Variants in LRRIQ1 observed in about 807,000 individuals in gnomAD.
The protein encoded by LRRIQ1 is leucine rich repeats and IQ motif containing 1.
In LRRIQ1, 210 loss-of-function variants were observed where a neutral mutation model predicts 211.9. The observed-to-expected ratio is 0.99, with a 90% confidence interval of 0.89 to 1.11. The LOEUF is 1.11. Among genes scored for constraint, LRRIQ1 ranks in the 50% most tolerant of loss-of-function variants. The probability of loss-of-function intolerance (pLI) is 0.00; values close to 1 mark genes in which losing one functional copy is unlikely to be tolerated. For synonymous variants in LRRIQ1, 699 were observed against 650.1 expected, an observed-to-expected ratio of 1.08 and a Z score of -1.14; for missense variants, 2,136 against 1,939.5, an observed-to-expected ratio of 1.10 and a Z score of -1.90.
At chr12:85,138,152 GT>G in intron 19 of LRRIQ1, among the ~76,000 whole-genome samples, 183 bp downstream of exon 19, 1 of 151,482 alleles carries the variant, frequency 6.6e-6, no homozygotes, top group Non-Finnish European at 1.5e-5. Flanking sequence ...GTGTGCAAAG[GT>G]GGCAGCAAAA....
chr12:85,156,929 A>G (rs1165343497), intron 23 of LRRIQ1, among the ~76,000 whole-genome samples: 1 of 151,880 alleles, frequency 6.6e-6, no homozygotes, highest in Non-Finnish European at 1.5e-5. Context: ...CAATTGCAAG[A>G]AGTATGGTAG....
chr12:85,129,290 A>AT (rs1327869778), intron 18 of LRRIQ1, among the ~76,000 whole-genome samples: 1 of 152,168 alleles, frequency 6.6e-6, no homozygotes, highest in Non-Finnish European at 1.5e-5. Context: ...CCTTCATGGA[A>AT]TTTATATCCT....
At chr12:85,117,093 C>T (rs551361627) in intron 15 of LRRIQ1, among the ~76,000 whole-genome samples, 2 of 152,246 alleles carry the variant, frequency 1.3e-5, no homozygotes, top group African/African-American at 2.4e-5. Context: ...ACAGTCATTT[C>T]GGAAACACTG....
At chr12:85,135,786 A>G (rs1411150689) in intron 18 of LRRIQ1, among the ~76,000 whole-genome samples, 1 of 92,760 alleles carries the variant, frequency 1.1e-5, no homozygotes, top group East Asian at 2.9e-4. Flanking sequence ...TTCTAATGTG[A>G]CACAATGTTC....
At chr12:85,058,013 A>G (rs1565795370) in intron 8 of LRRIQ1, among the ~76,000 whole-genome samples, 1 of 151,980 alleles carries the variant, frequency 6.6e-6, no homozygotes. Context: ...CACTCAGCAA[A>G]TATTCATCTA....
At chr12:85,210,234 T>C (rs1893773303) in intron 24 of LRRIQ1, among the ~76,000 whole-genome samples, 2 of 152,190 alleles carry the variant, frequency 1.3e-5, no homozygotes, top group Admixed American at 1.3e-4. Flanking sequence ...CAGTATTCTA[T>C]AACTCCATAG....
chr12:85,217,378 C>T (rs373514268), intron 24 of LRRIQ1, among the ~76,000 whole-genome samples: 38 of 148,272 alleles, frequency 2.6e-4, no homozygotes, highest in East Asian at 1.8e-3. Context: ...CTACTTGTCC[C>T]TCAATTAATA....
chr12:85,120,759 G>A (rs1887915999), intron 15 of LRRIQ1, among the ~76,000 whole-genome samples: 1 of 151,946 alleles, frequency 6.6e-6, no homozygotes, highest in Non-Finnish European at 1.5e-5. Context: ...TTTTTAATTA[G>A]GGGATTAACT....
chr12:85,246,044 A>G (rs1173450651), downstream of LRRIQ1, among the ~76,000 whole-genome samples: 1 of 151,134 alleles, frequency 6.6e-6, no homozygotes, highest in Non-Finnish European at 1.5e-5. Context: ...TTATTAGATT[A>G]TAATCATTTA....
chr12:85,232,733 A>G lies in LRRIQ1; in HGVS notation c.4993A>G (p.Asn1665Asp). 6.2e-7 allele frequency: 1 copy of G among 1,612,818 alleles called. No homozygotes were observed. Among genetic ancestry groups the G allele is most frequent in the Non-Finnish European group, 8.5e-7 (1 of 1,179,224 alleles). ...GCCTGAGTTAGATCCAGATGTACTT[A>G]ATGGTGGAAGAGTTCAGCTTGTGGT... is the stretch of plus-strand genomic sequence containing the variant. ...FLPELDPDVL[N>D]GGRVQLVARL... The change falls in exon 26 of 27, where the codon AAT becomes GAT. Residue 1665 changes from asparagine (N) to aspartate (D), a missense_variant. Physicochemically the swap from Asn to Asp is conservative, Grantham distance 23 (BLOSUM62 1). Coordinates refer to ENST00000393217, the MANE Select transcript of LRRIQ1 (RefSeq NM_001079910.2).
intron 13 of LRRIQ1, 136 bp downstream of exon 13, chr12:85,099,130 A>G (rs359989): frequency 0.26 from 115,634 of 447,696 alleles, 16,773 homozygotes; most frequent in African/African-American, 0.45. Flanking sequence ...TATATAAATT[A>G]TAAAAATAAC....
chr12:85,107,350 C>A (rs1029202368), intron 15 of LRRIQ1, among the ~76,000 whole-genome samples: 4 of 151,894 alleles, frequency 2.6e-5, no homozygotes, highest in African/African-American at 9.7e-5. Context: ...GCAATAAGTT[C>A]CCTCCCCTAG....
At chr12:85,272,436 A>G in the LRRIQ1 span, among the ~76,000 whole-genome samples, 1 of 152,218 alleles carries the variant, frequency 6.6e-6, no homozygotes, top group African/African-American at 2.4e-5. Flanking sequence ...TGAATCAAAT[A>G]CAGTGTAAAA....
At chr12:85,104,154 A>G in intron 14 of LRRIQ1, 77 bp downstream of exon 14, 1 of 664,320 alleles carries the variant, frequency 1.5e-6, no homozygotes, top group South Asian at 3.7e-5. Context: ...GGGTTGTTTT[A>G]AATGCATAAG....
chr12:85,113,795 C>T (rs1249589999), intron 15 of LRRIQ1, among the ~76,000 whole-genome samples: 1 of 152,062 alleles, frequency 6.6e-6, no homozygotes, highest in Non-Finnish European at 1.5e-5. Context: ...GTATTTATCA[C>T]ATTCCCCAGG....
chr12:85,082,441 T>C (rs76235598), intron 11 of LRRIQ1, among the ~76,000 whole-genome samples: 4,834 of 152,116 alleles, frequency 0.032, 105 homozygotes, highest in South Asian at 0.065. Context: ...ATTGCTTTTT[T>C]ATTGTATCTA....
intron 1 of LRRIQ1, among the ~76,000 whole-genome samples, chr12:85,262,447 T>G (rs989643612): frequency 4.6e-5 from 7 of 152,164 alleles, no homozygotes; most frequent in African/African-American, 1.7e-4. Flanking sequence ...CTAGATCTAA[T>G]GTACTTTCCA....
intron 24 of LRRIQ1, among the ~76,000 whole-genome samples, chr12:85,197,797 G>T (rs2136991710): frequency 7.0e-6 from 1 of 143,560 alleles, no homozygotes. Context: ...CCTGCACAAT[G>T]TGCACATGTA....
At chr12:85,209,431 C>T (rs1893729593) in intron 24 of LRRIQ1, among the ~76,000 whole-genome samples, 1 of 152,166 alleles carries the variant, frequency 6.6e-6, no homozygotes, top group Non-Finnish European at 1.5e-5. Context: ...ATTCAATTAC[C>T]TCCCATCAGA....
Sources: gnomAD v4.1 joint callset for allele counts (sites outside exome capture counted in the v4.1 genomes callset) on GRCh38, gnomAD v4.1.1 for gene constraint, MANE v1.5 for transcripts, NCBI Gene and HGNC (gene_info 2026-07-23, HGNC 2026-07-21) for gene names.